Variants in EIF3H observed in about 807,000 individuals in gnomAD.
EIF3H encodes the protein eIF-3-gamma.
EIF3H carries 26 observed loss-of-function variants against 44.2 expected under a neutral mutation model. The ratio of observed to expected loss-of-function variants is 0.59; its 90% CI spans 0.43 to 0.82. The LOEUF (loss-of-function observed/expected upper bound fraction) is 0.82. Ranked by LOEUF, EIF3H falls within the 40% of genes least tolerant of loss-of-function variation. The pLI is 0.00. For missense variants in EIF3H, 359 were observed against 432.8 expected, an observed-to-expected ratio of 0.83 and a Z score of 1.51; for synonymous variants, 166 against 151.9, an observed-to-expected ratio of 1.09 and a Z score of -0.68.
chr8:116,704,072 A>G (rs201121212), intron 2 of EIF3H, among the ~76,000 whole-genome samples: 235 of 152,342 alleles, frequency 1.5e-3, no homozygotes, highest in Admixed American at 3.7e-3. Context: ...ACCGTTCCAC[A>G]TAACATCATT....
At chr8:116,696,373 A>AT (rs1384120620) in intron 2 of EIF3H, among the ~76,000 whole-genome samples, 1 of 152,248 alleles carries the variant, frequency 6.6e-6, no homozygotes, top group Non-Finnish European at 1.5e-5. Flanking sequence ...ACAGGAAACC[A>AT]TAAGTTTATA....
intron 1 of EIF3H, among the ~76,000 whole-genome samples, chr8:116,728,442 C>G (rs1004007916): frequency 1.3e-5 from 2 of 151,736 alleles, no homozygotes; most frequent in African/African-American, 4.8e-5. Context: ...AGTTTTTAAA[C>G]CTGGGAGATG....
chr8:116,737,466 G>A (rs943247622), intron 1 of EIF3H, among the ~76,000 whole-genome samples: 1 of 152,086 alleles, frequency 6.6e-6, no homozygotes, highest in Non-Finnish European at 1.5e-5. Flanking sequence ...GACCACTCTG[G>A]CCAACATGGT....
chr8:116,691,607 G>A (rs551531363), intron 2 of EIF3H, among the ~76,000 whole-genome samples: 7 of 151,756 alleles, frequency 4.6e-5, no homozygotes, highest in Non-Finnish European at 1.0e-4. Flanking sequence ...AGGCACAATG[G>A]TTCACACCTG....
intron 1 of EIF3H, among the ~76,000 whole-genome samples, chr8:116,747,076 T>G (rs766832331): frequency 1.3e-5 from 2 of 152,130 alleles, no homozygotes; most frequent in Non-Finnish European, 2.9e-5. Flanking sequence ...TTTTTTGTTT[T>G]TTTTGAGACA....
At chr8:116,758,778 AG>A (rs1346795188), upstream of EIF3H, among the ~76,000 whole-genome samples, 1 of 152,234 alleles carries the variant, frequency 6.6e-6, no homozygotes, top group Non-Finnish European at 1.5e-5. Context: ...CAGATCAAAG[AG>A]GAAGTCTCCA....
At chr8:116,756,000 C>T, upstream of EIF3H, 5 of 1,536,170 alleles carry the variant, frequency 3.3e-6, no homozygotes, top group Non-Finnish European at 4.4e-6. Context: ...ACATTTTCGA[C>T]CTCTTTCCGA....
At chr8:116,727,214 A>C (rs1372788691) in intron 1 of EIF3H, among the ~76,000 whole-genome samples, 1 of 152,234 alleles carries the variant, frequency 6.6e-6, no homozygotes, top group Non-Finnish European at 1.5e-5. Flanking sequence ...ATGGTGAAGA[A>C]ACAGCCTAAG....
intron 2 of EIF3H, among the ~76,000 whole-genome samples, chr8:116,713,485 T>C (rs1229921398): frequency 6.6e-6 from 1 of 152,082 alleles, no homozygotes; most frequent in African/African-American, 2.4e-5. Flanking sequence ...ATGAAGTAAA[T>C]GCAAAAATAT....
chr8:116,676,390 G>A (rs2130828097), intron 2 of EIF3H, among the ~76,000 whole-genome samples: 1 of 152,330 alleles, frequency 6.6e-6, no homozygotes, highest in South Asian at 2.1e-4. Flanking sequence ...TACAATCATG[G>A]AGGAAGGCAA....
chr8:116,722,191 A>T (rs1240915573), intron 2 of EIF3H, among the ~76,000 whole-genome samples: 3 of 152,108 alleles, frequency 2.0e-5, no homozygotes, highest in African/African-American at 7.2e-5. Context: ...GGTAATTAAT[A>T]AGCCTCACGA....
At chr8:116,706,476 T>A (rs569142880) in intron 2 of EIF3H, among the ~76,000 whole-genome samples, 1 of 152,322 alleles carries the variant, frequency 6.6e-6, no homozygotes, top group Non-Finnish European at 1.5e-5. Flanking sequence ...CTGTTTTTCA[T>A]GTTTCAATAC....
upstream of EIF3H, among the ~76,000 whole-genome samples, chr8:116,757,193 C>A (rs1310272006): frequency 6.6e-6 from 1 of 152,092 alleles, no homozygotes; most frequent in Non-Finnish European, 1.5e-5. Context: ...GCTAAACATA[C>A]TACAATGGGT....
At chr8:116,698,890 G>A (rs1814318827) in intron 2 of EIF3H, among the ~76,000 whole-genome samples, 1 of 152,170 alleles carries the variant, frequency 6.6e-6, no homozygotes, top group South Asian at 2.1e-4. Flanking sequence ...GCTGACATCT[G>A]TAGTCCCAGC....
intron 2 of EIF3H, among the ~76,000 whole-genome samples, chr8:116,721,486 T>C (rs1312500883): frequency 1.3e-5 from 2 of 152,158 alleles, no homozygotes; most frequent in Non-Finnish European, 1.5e-5. Context: ...CACTGCCTAG[T>C]GGAGCTGTGA....
intron 2 of EIF3H, among the ~76,000 whole-genome samples, chr8:116,701,852 G>C (rs1026930149): frequency 9.2e-5 from 14 of 152,110 alleles, no homozygotes; most frequent in Non-Finnish European, 1.8e-4. Flanking sequence ...TACATCAACA[G>C]AAAAAGAACA....
intron 2 of EIF3H, among the ~76,000 whole-genome samples, chr8:116,699,720 C>T (rs1160885952): frequency 1.3e-5 from 2 of 152,160 alleles, no homozygotes. Flanking sequence ...AAAATAAATA[C>T]ATATAAATGA....
intron 1 of EIF3H, among the ~76,000 whole-genome samples, chr8:116,762,676 G>A (rs374134779): frequency 6.6e-6 from 1 of 152,310 alleles, no homozygotes; most frequent in East Asian, 1.9e-4. Context: ...GCTCACGCCT[G>A]TAATCCCAGC....
chr8:116,692,732 T>C (rs1489545512), intron 2 of EIF3H, among the ~76,000 whole-genome samples: 3 of 152,194 alleles, frequency 2.0e-5, no homozygotes, highest in African/African-American at 4.8e-5. Context: ...AAGACTGTAT[T>C]CGTAATGTTT....
Sources: allele counts gnomAD v4.1 joint callset (sites outside exome capture counted in the v4.1 genomes callset), GRCh38; gene constraint gnomAD v4.1.1; transcripts MANE v1.5; gene names NCBI Gene and HGNC (gene_info 2026-07-23, HGNC 2026-07-21).